PPP1R21: variants seen among roughly 807,000 people sequenced by gnomAD.
PPP1R21 encodes KLRAQ motif containing 1.
A neutral mutation model predicts 112.8 loss-of-function variants in PPP1R21; 85 were observed. The ratio of observed to expected loss-of-function variants is 0.75; its 90% CI spans 0.63 to 0.90. PPP1R21 has a LOEUF of 0.90. Among genes scored for constraint, PPP1R21 ranks in the 40% least tolerant of loss-of-function variants. The probability of loss-of-function intolerance (pLI) is 0.00; values close to 1 mark genes in which losing one functional copy is unlikely to be tolerated. For synonymous variants in PPP1R21, 381 were observed against 322.3 expected (o/e 1.18, Z -1.95); for missense variants, 1,199 against 901.5 (o/e 1.33, Z -4.23).
intron 21 of PPP1R21, among the ~76,000 whole-genome samples, chr2:48,513,650 A>G (rs1420722251): frequency 8.6e-5 from 13 of 152,046 alleles, no homozygotes; most frequent in African/African-American, 2.9e-4. Context: ...CCATTTAGTA[A>G]TTTACATTGC....
At chr2:48,464,641 A>G (rs1400040106) in intron 7 of PPP1R21, among the ~76,000 whole-genome samples, 1 of 152,234 alleles carries the variant, frequency 6.6e-6, no homozygotes, top group Non-Finnish European at 1.5e-5. Context: ...GAACGTCATG[A>G]GCCTTTCTAA....
intron 6 of PPP1R21, 100 bp downstream of exon 6, chr2:48,460,253 A>G: frequency 8.2e-7 from 1 of 1,221,034 alleles, no homozygotes; most frequent in Non-Finnish European, 1.2e-6. Context: ...CTTACATTTA[A>G]AAGGAGAAAA....
chr2:48,494,970 T>C (rs1055741763), intron 15 of PPP1R21, among the ~76,000 whole-genome samples: 11 of 152,146 alleles, frequency 7.2e-5, no homozygotes, highest in African/African-American at 2.4e-4. Flanking sequence ...TGTCCCAAAG[T>C]GCTAAGATTA....
At position 48,458,215 on chromosome 2, in the gene PPP1R21, G is replaced by A. The variant is rs1667810127; in HGVS notation, c.363G>A (p.Arg121=). Reference sequence around the variant, plus strand: ...AAAAGAAGATAGAAGAGAATGAACGGTTGCATATACAAGTGAGAAAATCTG... The same window carrying A: ...AAAAGAAGATAGAAGAGAATGAACGATTGCATATACAAGTGAGAAAATCTG... ...DLQKKIEENE[R]LHIQFFEADE... is the part of the protein sequence containing the mutation. Residue 121 remains arginine, a synonymous_variant, in exon 4 of 22, where the codon CGG becomes CGA. Transcript: ENST00000294952. The A allele has an allele frequency of 6.2e-7, 1 of 1,607,168 alleles. No individual in the cohort carries two copies. The highest frequency in any genetic ancestry group is 8.5e-7 in the Non-Finnish European group (1 of 1,174,480).
At chr2:48,464,848 T>A (rs1409136628) in intron 7 of PPP1R21, 89 bp from the exon 8 acceptor site, 5 of 891,618 alleles carry the variant, frequency 5.6e-6, no homozygotes, top group Non-Finnish European at 8.7e-6. Context: ...AAGTTGATTT[T>A]GCTTCAGAGC....
At chr2:48,441,038 G>T (rs1204528547) in intron 1 of PPP1R21, 28 bp downstream of exon 1, 3 of 1,550,636 alleles carry the variant, frequency 1.9e-6, no homozygotes, top group African/African-American at 1.4e-5. Context: ...GGAGTAGGGG[G>T]TCCCCCGCCC....
Position 48,465,477 on chromosome 2 carries a change from A to AT in PPP1R21, c.748-11dup. The AT allele has an allele frequency of 1.9e-6, 3 of 1,601,058 alleles. No homozygotes were observed. Among genetic ancestry groups the AT allele is most frequent in the Non-Finnish European group, 2.6e-6 (3 of 1,176,370 alleles). On this transcript the variant is annotated splice_polypyrimidine_tract_variant and intron_variant, in intron 8 of 21. Transcript: ENST00000294952. ...ATTTGAGAGTTGACCTTAACTATAT[A>AT]TTTTTCATTTTAAAGCTGAAGATGC...
intron 1 of PPP1R21, among the ~76,000 whole-genome samples, chr2:48,442,570 A>T (rs1667080514): frequency 2.0e-5 from 3 of 152,214 alleles, no homozygotes; most frequent in Non-Finnish European, 4.4e-5. Flanking sequence ...TCAGCTTAAC[A>T]AGTCACCTTT....
intron 2 of PPP1R21, among the ~76,000 whole-genome samples, chr2:48,452,118 A>C (rs536820108): frequency 2.1e-4 from 32 of 152,248 alleles, no homozygotes; most frequent in Non-Finnish European, 4.3e-4. Flanking sequence ...AATTGTTGAA[A>C]AAATGATCAT....
intron 2 of PPP1R21, among the ~76,000 whole-genome samples, chr2:48,453,773 A>G (rs1667588770): frequency 6.6e-6 from 1 of 152,216 alleles, no homozygotes; most frequent in African/African-American, 2.4e-5. Context: ...GCATATGAAA[A>G]TATTTTTGGT....
At chr2:48,456,177 G>A (rs1667718185) in intron 3 of PPP1R21, among the ~76,000 whole-genome samples, 2 of 151,776 alleles carry the variant, frequency 1.3e-5, no homozygotes, top group Admixed American at 1.3e-4. Flanking sequence ...GGTTTTATAT[G>A]GTGAGGTGGG....
At chr2:48,451,223 A>G in intron 2 of PPP1R21, 147 bp downstream of exon 2, 2 of 619,758 alleles carry the variant, frequency 3.2e-6, no homozygotes, top group Middle Eastern at 2.6e-4. Flanking sequence ...TTTGTGGTTA[A>G]TTTTCCTACT....
At chr2:48,464,097 G>A (rs1668099954) in intron 7 of PPP1R21, among the ~76,000 whole-genome samples, 1 of 152,196 alleles carries the variant, frequency 6.6e-6, no homozygotes, top group South Asian at 2.1e-4. Context: ...CAAAAGCGTT[G>A]TTGAAACAAT....
intron 7 of PPP1R21, 97 bp downstream of exon 7, chr2:48,461,329 T>G (rs1558440909): frequency 7.3e-7 from 1 of 1,363,448 alleles, no homozygotes; most frequent in Non-Finnish European, 9.5e-7. Flanking sequence ...GGCAAAAAAT[T>G]TAATTGGCCC....
intron 11 of PPP1R21, 109 bp from the exon 12 acceptor site, chr2:48,474,574 T>C: frequency 2.0e-6 from 2 of 976,642 alleles, no homozygotes; most frequent in Non-Finnish European, 1.5e-6. Context: ...AATTCTTTTT[T>C]CTGCAATATC....
intron 1 of PPP1R21, among the ~76,000 whole-genome samples, chr2:48,444,743 C>T (rs959232921): frequency 2.0e-5 from 3 of 152,188 alleles, no homozygotes; most frequent in South Asian, 2.1e-4. Context: ...ACCCAGCAAT[C>T]TGTGTTGTAA....
At chr2:48,497,243 T>C (rs1252833280) in intron 16 of PPP1R21, among the ~76,000 whole-genome samples, 1 of 152,190 alleles carries the variant, frequency 6.6e-6, no homozygotes, top group Non-Finnish European at 1.5e-5. Context: ...CAAAACTGAC[T>C]ACTTGTTTGT....
At chr2:48,494,635 C>T (rs570422797) in intron 15 of PPP1R21, among the ~76,000 whole-genome samples, 19 of 152,070 alleles carry the variant, frequency 1.2e-4, no homozygotes, top group Admixed American at 1.3e-4. Flanking sequence ...AGGCTGGTCT[C>T]GAACTCCTGA....
intron 17 of PPP1R21, 120 bp from the exon 18 acceptor site, chr2:48,505,444 T>C: frequency 1.3e-6 from 1 of 747,398 alleles, no homozygotes; most frequent in South Asian, 1.6e-5. Flanking sequence ...AAGGATGATC[T>C]TCTAGTTCTG....
Sources: gnomAD v4.1 joint callset for allele counts (sites outside exome capture counted in the v4.1 genomes callset) on GRCh38, gnomAD v4.1.1 for gene constraint, MANE v1.5 for transcripts, NCBI Gene and HGNC (gene_info 2026-07-23, HGNC 2026-07-21) for gene names.